The following THAP6 variants were observed in gnomAD, a reference collection of about 807,000 sequenced individuals.
THAP6 encodes THAP domain-containing protein 6.
In THAP6, 13 loss-of-function variants were observed where a neutral mutation model predicts 20.0. That is an observed-to-expected ratio of 0.65 (90% CI 0.42 to 1.03). The LOEUF is 1.03. THAP6 is among the 50% of genes least tolerant of loss of function. THAP6 has a pLI of 0.00. For missense variants in THAP6, 262 were observed against 261.6 expected, an observed-to-expected ratio of 1.00 and a Z score of -0.01; for synonymous variants, 93 against 92.2, an observed-to-expected ratio of 1.01 and a Z score of -0.05.
chr4:75,541,605 A>G (rs945651426), intron 2 of THAP6, among the ~76,000 whole-genome samples: 2 of 152,058 alleles, frequency 1.3e-5, no homozygotes, highest in Non-Finnish European at 2.9e-5. Context: ...AGGAAAGGAG[A>G]ATAAAAAAAG....
rs919334001 is a variant in THAP6 at position 75,528,177 on chromosome 4, G to C, written c.*963G>C. 6.1e-6 allele frequency: 6 copies of C among 984,972 alleles called. No individual in the cohort carries two copies. The highest frequency in any genetic ancestry group is 6.1e-5 in the Admixed American group (1 of 16,270). 61.0% of individuals were successfully genotyped at this position (984,972 alleles called of 1,614,324 possible). On this transcript the variant is annotated 3_prime_UTR_variant, in exon 5 of 5. Transcript: ENST00000311638. ...AAGGATTAGAATATTTTAATTAGGG[G>C]AGTAGATTATTGTCCAAAGGCTTTT...
intron 4 of THAP6, among the ~76,000 whole-genome samples, chr4:75,526,537 C>T (rs1003566571): frequency 6.6e-6 from 1 of 152,190 alleles, no homozygotes; most frequent in African/African-American, 2.4e-5. Context: ...GCCTGAGAAC[C>T]TGCTGCAGTA....
intron 2 of THAP6, among the ~76,000 whole-genome samples, chr4:75,541,527 G>A (rs540040350): frequency 6.6e-6 from 1 of 152,060 alleles, no homozygotes; most frequent in Non-Finnish European, 1.5e-5. Context: ...CTTCTAGAGA[G>A]GGGGTTATAT....
At chr4:75,526,376 A>C (rs1297984714) in intron 4 of THAP6, among the ~76,000 whole-genome samples, 1 of 152,208 alleles carries the variant, frequency 6.6e-6, no homozygotes. Context: ...TAGTACCTTT[A>C]TAAGCTATGT....
intron 2 of THAP6, chr4:75,539,973 G>A (rs1480155380): frequency 4.6e-6 from 7 of 1,533,848 alleles, no homozygotes; most frequent in Non-Finnish European, 6.1e-6. Flanking sequence ...GGCTATTTGT[G>A]CCTTAAATAA....
In THAP6 at chr4:75,527,336, A is replaced by G; in HGVS notation, c.*122A>G. ...GCTGCTTTGGATTCTCTGGAGCATTATGCATTATAGTTGTTATCCAAAGAC... is the reference window on the plus strand; with the variant it reads ...GCTGCTTTGGATTCTCTGGAGCATTGTGCATTATAGTTGTTATCCAAAGAC... On this transcript the variant is annotated 3_prime_UTR_variant, in exon 5 of 5. Transcript: ENST00000311638. 2.7e-6 allele frequency: 4 copies of G among 1,495,162 alleles called. No individual in the cohort carries two copies. Among genetic ancestry groups the G allele is most frequent in the Non-Finnish European group, 3.6e-6 (4 of 1,124,592 alleles). The allele number at this position is 1,495,162 out of a possible 1,614,324, so 92.6% of individuals were successfully genotyped here.
chr4:75,541,600 A>G lies in THAP6; in HGVS notation c.166-809A>G, dbSNP rs114879239. On this transcript the variant is annotated intron_variant, in intron 2 of 4. Transcript: ENST00000502620. ...AAAGAGAGATGAAGGGAGGGAGGAA[A>G]GGAGAATAAAAAAAGGAAAGAAGGG... Among the ~76,000 whole-genome samples, 900 of 152,208 alleles carry G rather than the reference A, an allele frequency of 5.9e-3. 7 individuals are homozygous for G. Among genetic ancestry groups the G allele is most frequent in the African/African-American group, 0.021 (865 of 41,508 alleles).
At chr4:75,543,639 C>T (rs1431626573) in intron 3 of THAP6, among the ~76,000 whole-genome samples, 3 of 152,156 alleles carry the variant, frequency 2.0e-5, no homozygotes, top group Non-Finnish European at 2.9e-5. Context: ...AGATTACAGC[C>T]GATTCCTGGA....
At chr4:75,514,390 A>G (rs1487020513), upstream of THAP6, 1 of 1,328,838 alleles carries the variant, frequency 7.5e-7, no homozygotes, top group Non-Finnish European at 1.0e-6. Context: ...CCCAGCGGCC[A>G]CTAGCGACAA....
At chr4:75,540,416 C>A (rs995386469) in intron 2 of THAP6, among the ~76,000 whole-genome samples, 1 of 152,328 alleles carries the variant, frequency 6.6e-6, no homozygotes, top group South Asian at 2.1e-4. Flanking sequence ...TGTCTCAGAG[C>A]ATCAAGTCAC....
Position 75,529,584 on chromosome 4 carries a change from G to C in THAP6, c.*2370G>C. The stretch of plus-strand genomic sequence containing the variant: ...TGCTCCAAACAAATGCCTAAACACA[G>C]TATGTATCTCAGTCCTCTGTTCCCA... On this transcript the variant is annotated 3_prime_UTR_variant, in exon 5 of 5. Coordinates refer to ENST00000311638, the MANE Select transcript of THAP6 (RefSeq NM_144721.6). 1 of 985,428 alleles carries C rather than the reference G, an allele frequency of 1.0e-6. No homozygotes were observed. The highest frequency in any genetic ancestry group is 1.2e-6 in the Non-Finnish European group (1 of 829,950). The allele number at this position is 985,428 out of a possible 1,614,324, so 61.0% of individuals were successfully genotyped here.
downstream of THAP6, among the ~76,000 whole-genome samples, chr4:75,534,246 G>A (rs1726786433): frequency 6.6e-6 from 1 of 152,118 alleles, no homozygotes; most frequent in Non-Finnish European, 1.5e-5. Flanking sequence ...AGAGCCCTCA[G>A]AAATAATACC....
rs34942800 is a variant in THAP6, at chr4:75,516,842, G to A, written c.151G>A (p.Gly51Ser). 6,731 of 1,613,914 alleles carry A rather than the reference G, an allele frequency of 4.2e-3. 223 individuals carry two copies. The African/African-American group carries it at 0.079, about 19-fold the overall frequency. The change falls in exon 3 of 5, where the codon GGC (glycine) becomes AGC (serine). Residue 51 changes from glycine to serine, a missense_variant. Coordinates refer to ENST00000311638, the MANE Select transcript of THAP6 (RefSeq NM_144721.6). ...AMKRLDVNAA[G>S]IWEPKKGDVL... ...GAAAAGACTTGATGTGAATGCAGCC[G>A]GCATTTGGGAGCCTAAAAAAGGAGA...
downstream of THAP6, among the ~76,000 whole-genome samples, chr4:75,530,233 A>G (rs910005281): frequency 2.6e-5 from 4 of 152,240 alleles, no homozygotes; most frequent in East Asian, 3.9e-4. Flanking sequence ...CCCTCACTCA[A>G]AACTGTCAGA....
intron 2 of THAP6, among the ~76,000 whole-genome samples, chr4:75,537,185 G>A (rs183145770): frequency 2.0e-5 from 3 of 152,070 alleles, no homozygotes; most frequent in African/African-American, 7.2e-5. Context: ...AGAAGTCTAG[G>A]GGGGGCACCA....
Position 75,514,484 on chromosome 4 carries a change from C to T in THAP6, c.-57C>T. The T allele has an allele frequency of 3.6e-6, 2 of 551,044 alleles. No homozygotes were observed. The highest frequency in any genetic ancestry group is 6.4e-6 in the Non-Finnish European group (2 of 312,336). 34.1% of individuals were successfully genotyped at this position (551,044 alleles called of 1,614,324 possible). A position where few individuals can be genotyped will look rare whatever the true frequency, so the allele number is the denominator to read the frequency against. Reference sequence around the variant, plus strand: ...GCGGAAGCGAAGGCAGACGCAGTCTCCGTCGTTGACGTTAGTCGCAGTCTT... The same window carrying T: ...GCGGAAGCGAAGGCAGACGCAGTCTTCGTCGTTGACGTTAGTCGCAGTCTT... On this transcript the variant is annotated 5_prime_UTR_variant, in exon 1 of 5. Transcript: ENST00000311638.
chr4:75,515,928 A>G (rs1207239792), intron 2 of THAP6, among the ~76,000 whole-genome samples: 1 of 152,254 alleles, frequency 6.6e-6, no homozygotes, highest in Non-Finnish European at 1.5e-5. Context: ...GAAAAAATAC[A>G]AATTACAAGT....
chr4:75,539,967 A>T (rs964131752), intron 2 of THAP6: 1 of 1,534,878 alleles, frequency 6.5e-7, no homozygotes, highest in African/African-American at 1.4e-5. Flanking sequence ...CAGGTAGGCT[A>T]TTTGTGCCTT....
intron 3 of THAP6, among the ~76,000 whole-genome samples, chr4:75,546,519 A>G (rs1727130364): frequency 6.6e-6 from 1 of 152,218 alleles, no homozygotes; most frequent in African/African-American, 2.4e-5. Context: ...AAACCTGTCA[A>G]GCAACACATT....
Sources: allele counts gnomAD v4.1 joint callset (sites outside exome capture counted in the v4.1 genomes callset), GRCh38; gene constraint gnomAD v4.1.1; transcripts MANE v1.5; gene names NCBI Gene and HGNC (gene_info 2026-07-23, HGNC 2026-07-21).